Variants in THSD7A observed in about 807,000 individuals in gnomAD.
THSD7A encodes thrombospondin type 1 domain containing 7A.
THSD7A carries 96 observed loss-of-function variants against 231.3 expected under a neutral mutation model. The observed-to-expected ratio is 0.41, with a 90% CI of 0.35 to 0.49. The LOEUF (loss-of-function observed/expected upper bound fraction) is 0.49, where lower values mean the gene tolerates loss of function less well. Among genes scored for constraint, THSD7A ranks in the 20% least tolerant of loss-of-function variants. The probability of loss-of-function intolerance (pLI) is 0.05; values close to 1 mark genes in which losing one functional copy is unlikely to be tolerated. For missense variants in THSD7A, 2,290 were observed against 2,070.2 expected (o/e 1.11, Z -2.06); for synonymous variants, 940 against 743.3 (o/e 1.26, Z -4.30).
At chr7:11,557,345 G>A (rs961708064) in intron 4 of THSD7A, among the ~76,000 whole-genome samples, 2 of 151,828 alleles carry the variant, frequency 1.3e-5, no homozygotes, top group African/African-American at 2.4e-5. Flanking sequence ...CAATTAATTT[G>A]CTGAAGATTT....
At chr7:11,486,049 T>C (rs931724992) in intron 6 of THSD7A, among the ~76,000 whole-genome samples, 13 of 152,154 alleles carry the variant, frequency 8.5e-5, no homozygotes, top group African/African-American at 3.1e-4. Context: ...CATAGGCAAA[T>C]AAAATCAAAT....
chr7:11,379,883 A>T, intron 24 of THSD7A, 171 bp from the exon 25 acceptor site: 1 of 654,670 alleles, frequency 1.5e-6, no homozygotes, highest in Non-Finnish European at 2.7e-6. Context: ...TTATGTAGTG[A>T]CTCCAGGCCC....
chr7:11,426,067 A>T (rs1156277215), intron 15 of THSD7A, among the ~76,000 whole-genome samples: 2 of 126,732 alleles, frequency 1.6e-5, no homozygotes. Flanking sequence ...ATAAAAAAAA[A>T]AAACATTAAA....
chr7:11,479,999 A>G (rs1375051165), intron 7 of THSD7A, among the ~76,000 whole-genome samples: 2 of 152,186 alleles, frequency 1.3e-5, no homozygotes, highest in Admixed American at 1.3e-4. Context: ...TTATTACACA[A>G]TTTATCCATA....
intron 7 of THSD7A, among the ~76,000 whole-genome samples, chr7:11,476,510 A>G (rs1043428021): frequency 2.0e-5 from 3 of 152,088 alleles, no homozygotes; most frequent in Admixed American, 6.6e-5. Context: ...AGATTATATA[A>G]TGTTACTCAA....
intron 4 of THSD7A, among the ~76,000 whole-genome samples, chr7:11,580,591 A>G (rs536910764): frequency 6.4e-4 from 98 of 152,288 alleles, no homozygotes; most frequent in Non-Finnish European, 1.1e-3. Flanking sequence ...AGGGACATGG[A>G]TGGAGCTGGA....
At chr7:11,535,195 A>G (rs541090618) in intron 6 of THSD7A, among the ~76,000 whole-genome samples, 6 of 152,308 alleles carry the variant, frequency 3.9e-5, no homozygotes, top group East Asian at 1.9e-4. Context: ...ACATAAAATT[A>G]TATAGAAAAT....
At chr7:11,432,112 G>A (rs1562604679) in intron 13 of THSD7A, among the ~76,000 whole-genome samples, 1 of 151,962 alleles carries the variant, frequency 6.6e-6, no homozygotes. Context: ...TAAATTATCT[G>A]AGACACATGT....
chr7:11,571,425 G>A (rs954217891), intron 4 of THSD7A, among the ~76,000 whole-genome samples: 3 of 152,122 alleles, frequency 2.0e-5, no homozygotes, highest in African/African-American at 7.2e-5. Context: ...ATCATTGGCC[G>A]TGCCTTATAT....
chr7:11,545,680 C>A (rs1789350187), intron 4 of THSD7A, among the ~76,000 whole-genome samples: 1 of 152,196 alleles, frequency 6.6e-6, no homozygotes, highest in East Asian at 1.9e-4. Context: ...CCACTCTTGC[C>A]ATGGACCCCA....
intron 1 of THSD7A, among the ~76,000 whole-genome samples, chr7:11,670,661 A>G (rs1266213810): frequency 6.6e-6 from 1 of 152,200 alleles, no homozygotes; most frequent in African/African-American, 2.4e-5. Context: ...TGATGCTTTA[A>G]TAAAGTGATC....
intron 1 of THSD7A, among the ~76,000 whole-genome samples, chr7:11,805,428 T>C (rs940362608): frequency 4.0e-5 from 6 of 151,486 alleles, no homozygotes; most frequent in African/African-American, 1.5e-4. Context: ...AAAACTCATA[T>C]ACACAAAAAT....
At chr7:11,614,692 T>C (rs1427248132) in intron 2 of THSD7A, among the ~76,000 whole-genome samples, 4 of 152,246 alleles carry the variant, frequency 2.6e-5, no homozygotes, top group Non-Finnish European at 5.9e-5. Context: ...CTGTGCTAGC[T>C]TGTCTTGTTC....
At chr7:11,487,362 T>C (rs575102438) in intron 6 of THSD7A, among the ~76,000 whole-genome samples, 1 of 152,106 alleles carries the variant, frequency 6.6e-6, no homozygotes, top group Non-Finnish European at 1.5e-5. Context: ...ATACTGAAAG[T>C]TTATTGCATT....
chr7:11,825,052 CTA>C (rs35166959), intron 1 of THSD7A, among the ~76,000 whole-genome samples: 11,837 of 151,874 alleles, frequency 0.078, 554 homozygotes, highest in East Asian at 0.21. Flanking sequence ...AATAATTTTT[CTA>C]TATATTTTTT....
intron 1 of THSD7A, among the ~76,000 whole-genome samples, chr7:11,680,549 C>T (rs1282611154): frequency 6.6e-6 from 1 of 152,122 alleles, no homozygotes; most frequent in Non-Finnish European, 1.5e-5. Flanking sequence ...ATGATATGAA[C>T]AGACACTTCT....
rs538940004 is a variant in THSD7A, at chr7:11,546,231, C to T, written c.1454-3114G>A. Among the ~76,000 whole-genome samples, 240 of 148,132 alleles carry T rather than the reference C, an allele frequency of 1.6e-3. No individual in the cohort carries two copies. The Middle Eastern group carries it at 0.018, about 11-fold the overall frequency. On this transcript the variant is annotated intron_variant, in intron 4 of 27. Coordinates refer to ENST00000423059, the MANE Select transcript of THSD7A (RefSeq NM_015204.3). ...ACACACACACACACACACACACACA[C>T]GTGGACCCTGCCACACTGCTGCCCT...
At chr7:11,594,932 G>C (rs772508001) in intron 2 of THSD7A, among the ~76,000 whole-genome samples, 20 of 152,196 alleles carry the variant, frequency 1.3e-4, no homozygotes, top group Admixed American at 1.2e-3. Flanking sequence ...GAATGCAGAC[G>C]TGTGGGGGGA....
chr7:11,379,138 T>G lies in THSD7A; in HGVS notation c.4733A>C (p.His1578Pro), dbSNP rs1199910057. ...RGDVKTSRAV[H>P]PTQPSSNPAG... ...TGGGTTACTGGAGGGTTGGGTTGGA[T>G]GTACAGCCCGACTGGTTTTCACATC... is the stretch of plus-strand genomic sequence containing the variant. Residue 1578 changes from histidine to proline, a missense_variant, in exon 26 of 28, where the codon CAT becomes CCT. By Grantham distance (77) the His-to-Pro change is moderately conservative. Coordinates refer to ENST00000423059, the MANE Select transcript of THSD7A (RefSeq NM_015204.3). 2.5e-6 allele frequency: 4 copies of G among 1,613,658 alleles called. No homozygotes were observed. Among genetic ancestry groups the G allele is most frequent in the East Asian group, 2.2e-5 (1 of 44,844 alleles).
Sources: allele counts gnomAD v4.1 joint callset (sites outside exome capture counted in the v4.1 genomes callset), GRCh38; gene constraint gnomAD v4.1.1; transcripts MANE v1.5; gene names NCBI Gene and HGNC (gene_info 2026-07-23, HGNC 2026-07-21).